CAMK1D: variants seen among roughly 807,000 people sequenced by gnomAD.
CAMK1D encodes the protein calcium/calmodulin-dependent protein kinase type 1D.
In CAMK1D, 9 loss-of-function variants were observed where a neutral mutation model predicts 47.7. The ratio of observed to expected loss-of-function variants is 0.19; its 90% CI spans 0.11 to 0.33. The LOEUF (loss-of-function observed/expected upper bound fraction) is 0.33, where lower values mean the gene tolerates loss of function less well. Among genes scored for constraint, CAMK1D ranks in the 10% least tolerant of loss-of-function variants. The pLI, the probability that CAMK1D is intolerant of heterozygous loss-of-function variation, is 1.00. For missense variants in CAMK1D, 291 were observed against 488.7 expected (o/e 0.60, Z 3.81); for synonymous variants, 184 against 184.9 (o/e 0.99, Z 0.04).
chr10:12,543,152 A>T (rs1018526916), intron 1 of CAMK1D, among the ~76,000 whole-genome samples: 10 of 151,994 alleles, frequency 6.6e-5, no homozygotes, highest in African/African-American at 2.4e-4. Context: ...GGTTCAAGTG[A>T]TTCTCCTGTC....
At chr10:12,530,263 G>A (rs779528619) in intron 1 of CAMK1D, among the ~76,000 whole-genome samples, 5 of 152,194 alleles carry the variant, frequency 3.3e-5, no homozygotes, top group East Asian at 1.9e-4. Flanking sequence ...TTTAGGCTGC[G>A]AGTGGGGGGC....
At chr10:12,469,909 A>G (rs7893997) in intron 1 of CAMK1D, among the ~76,000 whole-genome samples, 55,105 of 151,884 alleles carry the variant, frequency 0.36, 10,368 homozygotes, top group Non-Finnish European at 0.41. Context: ...TTAGGGTACC[A>G]TTCTTCTTAA....
rs569960047 is a variant in CAMK1D at position 12,433,578 on chromosome 10, G to A, written c.92+83668G>A. Among the ~76,000 whole-genome samples, 6 of 152,284 alleles carry A rather than the reference G, an allele frequency of 3.9e-5. No individual in the cohort carries two copies. The South Asian group carries it at 1.0e-3, about 26-fold the overall frequency. On this transcript the variant is annotated intron_variant, in intron 1 of 10. Coordinates refer to ENST00000619168, the MANE Select transcript of CAMK1D (RefSeq NM_153498.4). The stretch of plus-strand genomic sequence containing the variant: ...GTTTTGGAGTGGTTTCTCAGGATTT[G>A]CCTCATGTAAGGGGTCTGGAGCCTG...
At chr10:12,724,605 C>G (rs1464059616) in intron 3 of CAMK1D, among the ~76,000 whole-genome samples, 1 of 152,204 alleles carries the variant, frequency 6.6e-6, no homozygotes, top group East Asian at 1.9e-4. Context: ...CCCAGTTGTC[C>G]TAGACACTGA....
chr10:12,581,631 G>C (rs936090060), intron 2 of CAMK1D, among the ~76,000 whole-genome samples: 6 of 152,114 alleles, frequency 3.9e-5, no homozygotes, highest in Admixed American at 3.3e-4. Context: ...ACATTTCCCT[G>C]ATCATTAATG....
chr10:12,667,580 C>T (rs778751573), intron 3 of CAMK1D, among the ~76,000 whole-genome samples: 17 of 152,144 alleles, frequency 1.1e-4, no homozygotes, highest in South Asian at 2.1e-4. Context: ...GAAACTGTGT[C>T]GGAATATTAT....
chr10:12,403,612 A>G (rs1240265726), intron 1 of CAMK1D, among the ~76,000 whole-genome samples: 2 of 152,186 alleles, frequency 1.3e-5, no homozygotes, highest in African/African-American at 2.4e-5. Context: ...TTTATTTTTC[A>G]TTTATGAAGG....
rs566440231 is a variant in CAMK1D, at chr10:12,361,845, C to T, written c.92+11935C>T. ...TGCTCGGATTACAGGTGTGAGCCACCGCTCCTGGCCTATTTGACTGTTTTT... is the reference window on the plus strand; with the variant it reads ...TGCTCGGATTACAGGTGTGAGCCACTGCTCCTGGCCTATTTGACTGTTTTT... On this transcript the variant is annotated intron_variant, in intron 1 of 10. Coordinates refer to ENST00000619168, the MANE Select transcript of CAMK1D (RefSeq NM_153498.4). Among the ~76,000 whole-genome samples the T allele has an allele frequency of 2.3e-4, 35 of 152,096 alleles. 1 individual carries two copies. The South Asian group carries it at 2.5e-3, about 11-fold the overall frequency.
intron 2 of CAMK1D, among the ~76,000 whole-genome samples, chr10:12,558,407 A>G (rs968789471): frequency 6.6e-6 from 1 of 152,164 alleles, no homozygotes; most frequent in African/African-American, 2.4e-5. Context: ...TACAAAAATT[A>G]GCTGAGCGTT....
chr10:12,361,808 G>C (rs895556576), intron 1 of CAMK1D, among the ~76,000 whole-genome samples: 1 of 151,970 alleles, frequency 6.6e-6, no homozygotes, highest in Non-Finnish European at 1.5e-5. Flanking sequence ...CACCCGTCTT[G>C]GCCTCCCAAA....
chr10:12,483,747 C>T (rs943799123), intron 1 of CAMK1D, among the ~76,000 whole-genome samples: 25 of 152,112 alleles, frequency 1.6e-4, no homozygotes, highest in Admixed American at 5.9e-4. Flanking sequence ...AGTGCAGTGG[C>T]GTGATCTCGG....
At chr10:12,419,232 C>T (rs930274642) in intron 1 of CAMK1D, among the ~76,000 whole-genome samples, 1 of 151,914 alleles carries the variant, frequency 6.6e-6, no homozygotes, top group African/African-American at 2.4e-5. Context: ...AATACTCACC[C>T]CTACTTTCTG....
chr10:12,405,775 A>G (rs1396552225), intron 1 of CAMK1D, among the ~76,000 whole-genome samples: 1 of 152,260 alleles, frequency 6.6e-6, no homozygotes, highest in Non-Finnish European at 1.5e-5. Context: ...TCTGCTTTAC[A>G]AGAACAAACA....
In CAMK1D at chr10:12,829,518, G is replaced by C. The variant is rs193204744; in HGVS notation, c.*631G>C. 6.6e-6 allele frequency: 1 copy of C among 152,336 alleles called. No homozygotes were observed. The highest frequency in any genetic ancestry group is 1.9e-4 in the East Asian group (1 of 5,164). The allele number at this position is 152,336 out of a possible 1,614,324, so 9.4% of individuals were successfully genotyped here. A position where few individuals can be genotyped will look rare whatever the true frequency, so the allele number is the denominator to read the frequency against. On this transcript the variant is annotated 3_prime_UTR_variant, in exon 11 of 11. Transcript: ENST00000619168. ...GGAGGCCAAGTCGGGCGGATCACAAGGTCAGGAGATCAAGGCCATCCTGGC... is the reference window on the plus strand; with the variant it reads ...GGAGGCCAAGTCGGGCGGATCACAACGTCAGGAGATCAAGGCCATCCTGGC...
At chr10:12,571,453 C>CAAAAAAAAAAAAAAAAAA (rs766454210) in intron 2 of CAMK1D, among the ~76,000 whole-genome samples, 9 of 89,522 alleles carry the variant, frequency 1.0e-4, no homozygotes, top group East Asian at 3.2e-4. Context: ...GACTCCATCA[C>CAAAAAAAAAAAAAAAAAA]AAAAAAAAAA....
intron 1 of CAMK1D, among the ~76,000 whole-genome samples, chr10:12,365,802 C>T (rs1214396232): frequency 6.6e-6 from 1 of 152,128 alleles, no homozygotes; most frequent in Non-Finnish European, 1.5e-5. Flanking sequence ...CCTGTAATCC[C>T]AGCACTTTGG....
intron 3 of CAMK1D, among the ~76,000 whole-genome samples, chr10:12,707,778 C>T (rs1016178292): frequency 6.6e-6 from 1 of 152,208 alleles, no homozygotes; most frequent in African/African-American, 2.4e-5. Flanking sequence ...CAGGGGGCCT[C>T]GCATACCTGC....
intron 3 of CAMK1D, among the ~76,000 whole-genome samples, chr10:12,681,613 A>G (rs1832438868): frequency 6.6e-6 from 1 of 152,152 alleles, no homozygotes; most frequent in Non-Finnish European, 1.5e-5. Context: ...TTTCTCTTTT[A>G]TTTCATTTAT....
chr10:12,580,803 C>T (rs915596539), intron 2 of CAMK1D, among the ~76,000 whole-genome samples: 4 of 152,144 alleles, frequency 2.6e-5, no homozygotes, highest in Non-Finnish European at 4.4e-5. Flanking sequence ...ATTATTTTAC[C>T]TGGAGAAATT....
Sources: allele counts gnomAD v4.1 joint callset (sites outside exome capture counted in the v4.1 genomes callset), GRCh38; gene constraint gnomAD v4.1.1; transcripts MANE v1.5; gene names NCBI Gene and HGNC (gene_info 2026-07-23, HGNC 2026-07-21).